Variants in C1orf21 observed in about 807,000 individuals in gnomAD.
C1orf21 encodes the protein uncharacterized protein C1orf21.
C1orf21 carries 3 observed loss-of-function variants against 18.7 expected under a neutral mutation model. The observed-to-expected ratio is 0.16, with a 90% confidence interval of 0.07 to 0.42. The LOEUF (loss-of-function observed/expected upper bound fraction) is 0.42. Among genes scored for constraint, C1orf21 ranks in the 10% least tolerant of loss-of-function variants. The pLI, the probability that C1orf21 is intolerant of heterozygous loss-of-function variation, is 0.99. For missense variants in C1orf21, 104 were observed against 143.6 expected (o/e 0.72, Z 1.41); for synonymous variants, 41 against 46.4 (o/e 0.88, Z 0.47).
chr1:184,600,231 A>G (rs1335076442), intron 5 of C1orf21, among the ~76,000 whole-genome samples: 2 of 151,944 alleles, frequency 1.3e-5, no homozygotes, highest in East Asian at 3.9e-4. Context: ...CAGTGGTGCA[A>G]TCTCAGCTCA....
chr1:184,426,374 A>G (rs1166019620), intron 1 of C1orf21, among the ~76,000 whole-genome samples: 1 of 152,200 alleles, frequency 6.6e-6, no homozygotes, highest in Non-Finnish European at 1.5e-5. Context: ...GATCTTTTAA[A>G]GAGCCCGTCT....
rs1196309306 is a variant in C1orf21, at chr1:184,623,688, T to G, written c.*4132T>G. The G allele has an allele frequency of 6.6e-6, 1 of 152,642 alleles. No individual in the cohort carries two copies. Among genetic ancestry groups the G allele is most frequent in the East Asian group, 1.9e-4 (1 of 5,202 alleles). The allele number at this position is 152,642 out of a possible 1,614,324, so 9.5% of individuals were successfully genotyped here. A position where few individuals can be genotyped will look rare whatever the true frequency, so the allele number is the denominator to read the frequency against. ...GTGCCTGCAATAAACCTTTTGGAAT[T>G]TCATGAACGAGGTCTATGAATTGCC... On this transcript the variant is annotated 3_prime_UTR_variant, in exon 6 of 6. Transcript: ENST00000235307.
intron 1 of C1orf21, among the ~76,000 whole-genome samples, chr1:184,462,694 A>T (rs973009640): frequency 2.0e-5 from 3 of 152,206 alleles, no homozygotes; most frequent in Admixed American, 1.3e-4. Flanking sequence ...AAGTAGTTAG[A>T]TACAGTGCAT....
chr1:184,578,656 T>A (rs1437053287), intron 3 of C1orf21, among the ~76,000 whole-genome samples: 1 of 152,174 alleles, frequency 6.6e-6, no homozygotes, highest in Admixed American at 6.5e-5. Context: ...TACCTATATG[T>A]TCATAACAAA....
chr1:184,403,682 ATAAT>A (rs1376135718), intron 1 of C1orf21, among the ~76,000 whole-genome samples: 1 of 152,282 alleles, frequency 6.6e-6, no homozygotes, highest in African/African-American at 2.4e-5. Flanking sequence ...CGAAACTCAG[ATAAT>A]TAAATTTATG....
intron 1 of C1orf21, among the ~76,000 whole-genome samples, chr1:184,419,043 G>A (rs1489263611): frequency 2.0e-5 from 3 of 152,074 alleles, no homozygotes; most frequent in Non-Finnish European, 4.4e-5. Context: ...TGTCCAAGGG[G>A]TCTTTCTGTT....
In C1orf21 at chr1:184,413,994, G is replaced by T. The variant is rs1482640672; in HGVS notation, c.-125+26626G>T. Among the ~76,000 whole-genome samples the T allele has an allele frequency of 2.0e-5, 3 of 152,130 alleles. No individual in the cohort carries two copies. The East Asian group carries it at 5.8e-4, about 29-fold the overall frequency. ...CCTATTGACCATTGTGCCTTCTTGT[G>T]TGATTTACAATAACATAATATTTAT... On this transcript the variant is annotated intron_variant, in intron 1 of 5. Transcript: ENST00000235307.
chr1:184,430,501 T>A (rs1656723209), intron 1 of C1orf21, among the ~76,000 whole-genome samples: 1 of 152,252 alleles, frequency 6.6e-6, no homozygotes, highest in Non-Finnish European at 1.5e-5. Flanking sequence ...TGTATCTTCA[T>A]TAGTAGCTAC....
At chr1:184,488,875 G>T (rs190725647) in intron 2 of C1orf21, among the ~76,000 whole-genome samples, 1 of 152,178 alleles carries the variant, frequency 6.6e-6, no homozygotes, top group Non-Finnish European at 1.5e-5. Context: ...TGAGGCGGGA[G>T]AATTGCTTGA....
In C1orf21 at chr1:184,550,272, T is replaced by C. The variant is rs1658793472; in HGVS notation, c.190-40467T>C. Among the ~76,000 whole-genome samples the C allele has an allele frequency of 2.0e-5, 3 of 152,238 alleles. No homozygotes were observed. The South Asian group carries it at 6.2e-4, about 31-fold the overall frequency. The stretch of plus-strand genomic sequence containing the variant: ...GATGAGATTGTAAAGGTTGTTATTG[T>C]CTATTTTTGAAAACCTTTTAGGAAA... On this transcript the variant is annotated intron_variant, in intron 3 of 5. Coordinates refer to ENST00000235307, the MANE Select transcript of C1orf21 (RefSeq NM_030806.4).
At chr1:184,474,982 T>TAAC (rs547945111) in intron 1 of C1orf21, among the ~76,000 whole-genome samples, 2 of 151,908 alleles carry the variant, frequency 1.3e-5, no homozygotes, top group Admixed American at 6.6e-5. Flanking sequence ...GCAGCAGCAA[T>TAAC]AACAACAACA....
At chr1:184,573,918 A>G (rs10911613) in intron 3 of C1orf21, among the ~76,000 whole-genome samples, 82,904 of 152,058 alleles carry the variant, frequency 0.55, 23,686 homozygotes, top group African/African-American at 0.72. Flanking sequence ...AGATAGGCCG[A>G]GCACCATGGC....
chr1:184,392,398 T>C (rs1655981935), intron 1 of C1orf21, among the ~76,000 whole-genome samples: 1 of 152,108 alleles, frequency 6.6e-6, no homozygotes, highest in South Asian at 2.1e-4. Context: ...TGTGTACACA[T>C]GGACGTTTAG....
At chr1:184,410,650 T>TATATTATATATATATATA (rs1656330292) in intron 1 of C1orf21, among the ~76,000 whole-genome samples, 2 of 6,666 alleles carry the variant, frequency 3.0e-4, no homozygotes, top group African/African-American at 5.7e-3. Context: ...TATATATATA[T>TATATTATATATATATATA]ATATATATAT....
Position 184,623,006 on chromosome 1 carries a change from C to T in C1orf21, c.*3450C>T, listed in dbSNP as rs1316826438. 2 of 152,232 alleles carry T rather than the reference C, an allele frequency of 1.3e-5. No homozygotes were observed. The highest frequency in any genetic ancestry group is 2.9e-5 in the Non-Finnish European group (2 of 68,076). 9.4% of individuals were successfully genotyped at this position (152,232 alleles called of 1,614,324 possible). A position where few individuals can be genotyped will look rare whatever the true frequency, so the allele number is the denominator to read the frequency against. ...AACTTTATCCTGCTATAACTTTATC[C>T]TCTTCCCAGCCTCATCCCTGTTTTT... On this transcript the variant is annotated 3_prime_UTR_variant, in exon 6 of 6. Transcript: ENST00000235307.
intron 1 of C1orf21, among the ~76,000 whole-genome samples, chr1:184,407,699 G>A (rs1221714915): frequency 6.6e-6 from 1 of 152,164 alleles, no homozygotes; most frequent in African/African-American, 2.4e-5. Context: ...ACTTTTGTGG[G>A]GGAGTGGTGG....
chr1:184,487,841 T>G (rs1657755390), intron 2 of C1orf21, among the ~76,000 whole-genome samples: 1 of 152,178 alleles, frequency 6.6e-6, no homozygotes, highest in Non-Finnish European at 1.5e-5. Flanking sequence ...ATAAAACTAG[T>G]ACTTGCCTGC....
chr1:184,458,698 T>G (rs1479513847), intron 1 of C1orf21, among the ~76,000 whole-genome samples: 1 of 152,206 alleles, frequency 6.6e-6, no homozygotes, highest in Non-Finnish European at 1.5e-5. Context: ...AATTTTCACA[T>G]AGCAAAGTTA....
intron 1 of C1orf21, among the ~76,000 whole-genome samples, chr1:184,401,892 AT>A (rs1656158658): frequency 6.6e-6 from 1 of 151,962 alleles, no homozygotes; most frequent in East Asian, 1.9e-4. Context: ...TTAGTGAGAT[AT>A]TTTTCATTCT....
Sources: allele counts gnomAD v4.1 joint callset (sites outside exome capture counted in the v4.1 genomes callset), GRCh38; gene constraint gnomAD v4.1.1; transcripts MANE v1.5; gene names NCBI Gene and HGNC (gene_info 2026-07-23, HGNC 2026-07-21).